Variants in GALNT13 observed in about 807,000 individuals in gnomAD.
GALNT13 encodes UDP-GalNAc:polypeptide N-acetylgalactosaminyltransferase 13.
Under a neutral mutation model 64.2 loss-of-function variants are expected in GALNT13, and 28 were observed. The observed-to-expected ratio is 0.44, with a 90% CI of 0.32 to 0.60. The LOEUF (loss-of-function observed/expected upper bound fraction) is 0.60. GALNT13 is among the 20% of genes least tolerant of loss of function. The probability of loss-of-function intolerance (pLI) is 0.05; values close to 1 mark genes in which losing one functional copy is unlikely to be tolerated. For missense variants in GALNT13, 577 were observed against 669.8 expected, an observed-to-expected ratio of 0.86 and a Z score of 1.53; for synonymous variants, 214 against 224.6, an observed-to-expected ratio of 0.95 and a Z score of 0.42.
the GALNT13 span, among the ~76,000 whole-genome samples, chr2:153,283,849 G>A: frequency 3.3e-5 from 5 of 151,448 alleles, no homozygotes; most frequent in African/African-American, 2.4e-5. Flanking sequence ...CCCTGCTGCA[G>A]CAGGATATCT....
At chr2:153,212,844 G>A in the GALNT13 span, among the ~76,000 whole-genome samples, 1 of 152,106 alleles carries the variant, frequency 6.6e-6, no homozygotes, top group African/African-American at 2.4e-5. Context: ...TTACTCTTTG[G>A]CATTGTAAAA....
the GALNT13 span, among the ~76,000 whole-genome samples, chr2:153,746,770 A>C: frequency 6.6e-6 from 1 of 152,130 alleles, no homozygotes; most frequent in African/African-American, 2.4e-5. Context: ...CATTATTACA[A>C]TTTTAGCCAT....
intron 7 of GALNT13, among the ~76,000 whole-genome samples, chr2:154,255,499 A>T (rs1690322685): frequency 6.6e-6 from 1 of 152,190 alleles, no homozygotes; most frequent in African/African-American, 2.4e-5. Context: ...CATAAAACAT[A>T]AATGTTAATA....
chr2:153,606,812 C>T, the GALNT13 span, among the ~76,000 whole-genome samples: 1 of 151,306 alleles, frequency 6.6e-6, no homozygotes, highest in Admixed American at 6.6e-5. Context: ...ACATTCTCTT[C>T]TGACTTATTG....
chr2:153,546,630 A>T, the GALNT13 span, among the ~76,000 whole-genome samples: 1 of 152,228 alleles, frequency 6.6e-6, no homozygotes, highest in Non-Finnish European at 1.5e-5. Flanking sequence ...CAAGTACGAT[A>T]TCAAGTACAA....
the GALNT13 span, chr2:153,593,102 G>A: frequency 0.013 from 1,983 of 152,478 alleles, 38 homozygotes; most frequent in African/African-American, 0.043. Context: ...GCCAGAACTC[G>A]GGGGAGGGGG....
chr2:153,792,065 A>G, the GALNT13 span, among the ~76,000 whole-genome samples: 10 of 152,182 alleles, frequency 6.6e-5, no homozygotes, highest in African/African-American at 2.4e-4. Context: ...AACCTAAAAT[A>G]AAAGTTAAAA....
At chr2:153,403,527 C>T in the GALNT13 span, among the ~76,000 whole-genome samples, 2 of 152,220 alleles carry the variant, frequency 1.3e-5, no homozygotes, top group Admixed American at 1.3e-4. Context: ...CTCCCCCAGC[C>T]TCCCTGCCAC....
chr2:153,537,657 G>A, the GALNT13 span, among the ~76,000 whole-genome samples: 3 of 152,228 alleles, frequency 2.0e-5, no homozygotes, highest in East Asian at 5.8e-4. Context: ...GGACTTGGTG[G>A]GAAGGGATTC....
At chr2:154,052,290 G>T (rs184440105) in intron 3 of GALNT13, among the ~76,000 whole-genome samples, 288 of 152,222 alleles carry the variant, frequency 1.9e-3, no homozygotes, top group African/African-American at 6.2e-3. Context: ...TGACTTAAGT[G>T]TACTTTCCTG....
In GALNT13 at chr2:154,224,654, G is replaced by A. The variant is rs568405073; in HGVS notation, c.312-17376G>A. ...TGGAGGTTTAATATATGATAAAAAT[G>A]ACAAATCACTCTTCTAACACTAATA... On this transcript the variant is annotated intron_variant, in intron 4 of 12. Transcript: ENST00000392825. Among the ~76,000 whole-genome samples the A allele has an allele frequency of 2.6e-4, 40 of 152,096 alleles. 1 individual carries two copies. The highest frequency in any genetic ancestry group is 9.4e-4 in the African/African-American group (39 of 41,532).
intron 3 of GALNT13, among the ~76,000 whole-genome samples, chr2:154,016,181 A>G (rs911897983): frequency 6.6e-6 from 1 of 152,236 alleles, no homozygotes; most frequent in Non-Finnish European, 1.5e-5. Context: ...TAAATTTAAT[A>G]CATTCTATAT....
At chr2:153,242,546 G>C in the GALNT13 span, among the ~76,000 whole-genome samples, 1 of 152,210 alleles carries the variant, frequency 6.6e-6, no homozygotes, top group East Asian at 1.9e-4. Context: ...AATATTGACT[G>C]TCCTGGCTAG....
At chr2:153,725,409 A>G in the GALNT13 span, among the ~76,000 whole-genome samples, 4 of 151,240 alleles carry the variant, frequency 2.6e-5, no homozygotes, top group Non-Finnish European at 4.4e-5. Flanking sequence ...ATACATATGT[A>G]ACTAACCTGC....
intron 1 of GALNT13, among the ~76,000 whole-genome samples, chr2:153,877,346 A>G (rs1686449112): frequency 6.6e-6 from 1 of 152,160 alleles, no homozygotes; most frequent in Non-Finnish European, 1.5e-5. Flanking sequence ...AAGCTCTTAT[A>G]CAACATTTTA....
intron 9 of GALNT13, among the ~76,000 whole-genome samples, chr2:154,354,011 A>G (rs750499715): frequency 3.4e-4 from 52 of 152,250 alleles, no homozygotes; most frequent in Middle Eastern, 6.8e-3. Flanking sequence ...AGCTACACCA[A>G]TCAACATTTT....
At chr2:154,338,980 A>G (rs1695607131) in intron 9 of GALNT13, among the ~76,000 whole-genome samples, 1 of 152,146 alleles carries the variant, frequency 6.6e-6, no homozygotes, top group Admixed American at 6.6e-5. Flanking sequence ...ATATTTCTAA[A>G]TCCTGAGCAG....
chr2:154,256,481 A>G (rs16836382), intron 7 of GALNT13, among the ~76,000 whole-genome samples: 3,342 of 152,294 alleles, frequency 0.022, 93 homozygotes, highest in African/African-American at 0.068. Context: ...GAGGGGTTAA[A>G]GAGTAAGAAG....
At chr2:153,294,386 T>A in the GALNT13 span, among the ~76,000 whole-genome samples, 508 of 152,334 alleles carry the variant, frequency 3.3e-3, 8 homozygotes, top group African/African-American at 0.011. Flanking sequence ...ATGGATTTTT[T>A]AAAAATGTGC....
Sources: allele counts gnomAD v4.1 joint callset (sites outside exome capture counted in the v4.1 genomes callset), GRCh38; gene constraint gnomAD v4.1.1; transcripts MANE v1.5; gene names NCBI Gene and HGNC (gene_info 2026-07-23, HGNC 2026-07-21).